The following POLQ variants were observed in gnomAD, a reference collection of about 807,000 sequenced individuals.
POLQ encodes DNA polymerase theta.
POLQ carries 233 observed loss-of-function variants against 259.2 expected under a neutral mutation model. That is an observed-to-expected ratio of 0.90 (90% CI 0.81 to 1.00). The LOEUF (loss-of-function observed/expected upper bound fraction) is 1.00. POLQ is among the 50% of genes least tolerant of loss of function. The pLI, the probability that POLQ is intolerant of heterozygous loss-of-function variation, is 0.00. For missense variants in POLQ, 2,871 were observed against 3,051.6 expected (o/e 0.94, Z 1.39); for synonymous variants, 1,025 against 1,048.8 (o/e 0.98, Z 0.44).
chr3:121,514,480 A>G (rs573160897), intron 9 of POLQ, among the ~76,000 whole-genome samples: 1 of 151,682 alleles, frequency 6.6e-6, no homozygotes, highest in East Asian at 1.9e-4. Context: ...TGACCTCATC[A>G]CCCCTTCCAC....
In POLQ at chr3:121,519,875, T is replaced by C. The variant is rs375226226; in HGVS notation, c.1464A>G (p.Thr488=). 11 of 1,510,836 alleles carry C rather than the reference T, an allele frequency of 7.3e-6. No homozygotes were observed. Among genetic ancestry groups the C allele is most frequent in the African/African-American group, 4.1e-5 (3 of 72,750 alleles). 93.6% of individuals were successfully genotyped at this position (1,510,836 alleles called of 1,614,324 possible). ...VGRAGRKGVD[T]VGESILICKN... ...ATTAAATTCAAACTCACTTACCTAC[T>C]GTGTCCACTCCTTTCCTGCCAGCAC... is the stretch of plus-strand genomic sequence containing the variant. The change falls in exon 9 of 30, where the codon ACA becomes ACG. Residue 488 remains threonine (T), a synonymous_variant. Transcript: ENST00000264233.
At chr3:121,493,357 T>A (rs1485074956) in intron 15 of POLQ, 121 bp downstream of exon 15, 2 of 742,146 alleles carry the variant, frequency 2.7e-6, no homozygotes, top group African/African-American at 3.5e-5. Context: ...TTCTTCCACT[T>A]ACACCAAGTA....
chr3:121,487,655 G>C lies in POLQ; in HGVS notation c.5276C>G (p.Pro1759Arg). The C allele has an allele frequency of 6.2e-7, 1 of 1,613,762 alleles. No homozygotes were observed. Among genetic ancestry groups the C allele is most frequent in the Non-Finnish European group, 8.5e-7 (1 of 1,179,750 alleles). Residue 1759 changes from proline (P) to arginine (R), a missense_variant, in exon 16 of 30, where the codon CCT becomes CGT. Pro to Arg is a moderately radical substitution (Grantham distance 103). Transcript: ENST00000264233. ...TTGTAAAACATTATTAGTTTTCCAAGGGTTTACAGGTGTTTCAAGAATCCC... is the reference window on the plus strand; with the variant it reads ...TTGTAAAACATTATTAGTTTTCCAACGGTTTACAGGTGTTTCAAGAATCCC... ...FPGILETPVN[P>R]WKTNNVLQPG...
At chr3:121,511,772 T>C in intron 10 of POLQ, 115 bp downstream of exon 10, 1 of 830,780 alleles carries the variant, frequency 1.2e-6, no homozygotes. Context: ...AGTGAGACTC[T>C]GTCTCAAAAA....
chr3:121,535,874 A>C (rs1165350763), intron 5 of POLQ, among the ~76,000 whole-genome samples: 1 of 152,174 alleles, frequency 6.6e-6, no homozygotes, highest in Non-Finnish European at 1.5e-5. Flanking sequence ...TATGGTCAAA[A>C]AATTGGTAGG....
intron 25 of POLQ, among the ~76,000 whole-genome samples, chr3:121,457,309 AG>A (rs2047749794): frequency 6.6e-6 from 1 of 152,244 alleles, no homozygotes; most frequent in African/African-American, 2.4e-5. Flanking sequence ...AATACCATTC[AG>A]GACATAGGCA....
In POLQ at chr3:121,473,497, A is replaced by G. The variant is rs1372973745; in HGVS notation, c.6406-10T>C. ...ATTCCAAAAATAAAACCTGCAAGAA[A>G]TTAATGTCTCTTTAGTCAAGAATGA... is the stretch of plus-strand genomic sequence containing the variant. On this transcript the variant is annotated splice_polypyrimidine_tract_variant and intron_variant, in intron 20 of 29. Coordinates refer to ENST00000264233, the MANE Select transcript of POLQ (RefSeq NM_199420.4). 6.2e-7 allele frequency: 1 copy of G among 1,605,776 alleles called. No individual in the cohort carries two copies. Among genetic ancestry groups the G allele is most frequent in the Admixed American group, 1.7e-5 (1 of 59,038 alleles).
chr3:121,533,227 A>G lies in POLQ; in HGVS notation c.741-18T>C. 3 of 1,493,744 alleles carry G rather than the reference A, an allele frequency of 2.0e-6. No individual in the cohort carries two copies. Among genetic ancestry groups the G allele is most frequent in the Non-Finnish European group, 2.7e-6 (3 of 1,097,352 alleles). The allele number at this position is 1,493,744 out of a possible 1,614,324, so 92.5% of individuals were successfully genotyped here. The stretch of plus-strand genomic sequence containing the variant: ...CTGCCTGACTGTAAAAAAACAAATG[A>G]AAAGAACATTAAAAGATATATAATA... On this transcript the variant is annotated intron_variant, in intron 5 of 29. Coordinates refer to ENST00000264233, the MANE Select transcript of POLQ (RefSeq NM_199420.4).
At chr3:121,521,869 C>A in intron 8 of POLQ, 134 bp downstream of exon 8, 1 of 608,632 alleles carries the variant, frequency 1.6e-6, no homozygotes, top group Admixed American at 3.9e-5. Context: ...CCACGCCCAG[C>A]CCACACAATT....
rs142644047 is a variant in POLQ at position 121,488,409 on chromosome 3, G to C, written c.4522C>G (p.Gln1508Glu). 4.3e-6 allele frequency: 7 copies of C among 1,612,486 alleles called. No individual in the cohort carries two copies. The African/African-American group carries it at 8.0e-5, about 18-fold the overall frequency. ...TCTGAAGGAAGGGGTTCTTTCATTT[G>C]CATATCAGGTAATTGTTCTTTTACT... ...YLVKEQLPDMQMKEPLPSEVT... is the reference protein window; with the variant it reads ...YLVKEQLPDMEMKEPLPSEVT... The change falls in exon 16 of 30, where the codon CAA becomes GAA. Residue 1508 changes from glutamine to glutamate, a missense_variant. Transcript: ENST00000264233.
intron 25 of POLQ, among the ~76,000 whole-genome samples, chr3:121,455,608 C>A (rs2047727897): frequency 6.6e-6 from 1 of 152,104 alleles, no homozygotes; most frequent in Non-Finnish European, 1.5e-5. Context: ...ACAAACACCT[C>A]TACGCAAATA....
At chr3:121,466,090 G>A in intron 24 of POLQ, among the ~76,000 whole-genome samples, 1 of 152,028 alleles carries the variant, frequency 6.6e-6, no homozygotes, top group African/African-American at 2.4e-5. Context: ...TGATAAGAAG[G>A]CAAAACAGGC....
chr3:121,467,673 G>C (rs1576407480), intron 23 of POLQ, 33 bp from the exon 24 acceptor site: 8 of 1,605,800 alleles, frequency 5.0e-6, no homozygotes, highest in Non-Finnish European at 6.0e-6. Context: ...AGTTAGACAT[G>C]AAGCAGTCTC....
intron 7 of POLQ, among the ~76,000 whole-genome samples, chr3:121,529,153 T>C (rs2048393165): frequency 6.6e-6 from 1 of 152,042 alleles, no homozygotes. Flanking sequence ...TAATATATTA[T>C]GTATTGAAAA....
At chr3:121,540,564 C>G (rs1190977619) in intron 3 of POLQ, among the ~76,000 whole-genome samples, 6 of 152,170 alleles carry the variant, frequency 3.9e-5, no homozygotes, top group Non-Finnish European at 7.3e-5. Context: ...TTTTGCAGAA[C>G]AGAGGAACAG....
At chr3:121,516,688 AG>A (rs141604626) in intron 9 of POLQ, among the ~76,000 whole-genome samples, 2,625 of 152,332 alleles carry the variant, frequency 0.017, 69 homozygotes, top group African/African-American at 0.059. Context: ...GTCTATGGAA[AG>A]ACTGAAGTGT....
intron 9 of POLQ, among the ~76,000 whole-genome samples, chr3:121,515,776 A>G (rs971720162): frequency 2.6e-5 from 4 of 152,178 alleles, no homozygotes; most frequent in Non-Finnish European, 5.9e-5. Flanking sequence ...ATTACAAAGA[A>G]CCAGGAAGCC....
chr3:121,437,698 T>C (rs2047555483), intron 27 of POLQ, among the ~76,000 whole-genome samples: 1 of 152,168 alleles, frequency 6.6e-6, no homozygotes, highest in South Asian at 2.1e-4. Flanking sequence ...CAAACATAAA[T>C]GCATGTAAAT....
Position 121,485,117 on chromosome 3 carries a change from C to T in POLQ, c.5697G>A (p.Leu1899=). ...GFPIKGCDDT[L]VVGLAVCWGG... Reference sequence around the variant, plus strand: ...CCCAGCATACTGCCAGTCCAACCACCAAGGTGTCATCACAACCTTTAATGG... The same window carrying T: ...CCCAGCATACTGCCAGTCCAACCACTAAGGTGTCATCACAACCTTTAATGG... The change falls in exon 17 of 30, where the codon TTG becomes TTA. Residue 1899 remains leucine, a synonymous_variant. Coordinates refer to ENST00000264233, the MANE Select transcript of POLQ (RefSeq NM_199420.4). 1 of 1,610,970 alleles carries T rather than the reference C, an allele frequency of 6.2e-7. No homozygotes were observed. Among genetic ancestry groups the T allele is most frequent in the Non-Finnish European group, 8.5e-7 (1 of 1,177,386 alleles).
Sources: allele counts gnomAD v4.1 joint callset (sites outside exome capture counted in the v4.1 genomes callset), GRCh38; gene constraint gnomAD v4.1.1; transcripts MANE v1.5; gene names NCBI Gene and HGNC (gene_info 2026-07-23, HGNC 2026-07-21).